The following NAV2 variants were observed in gnomAD, a reference collection of about 807,000 sequenced individuals.
The protein encoded by NAV2 is neuron navigator 2, also known as helicase, APC down-regulated 1.
Under a neutral mutation model 223.2 loss-of-function variants are expected in NAV2, and 54 were observed. The ratio of observed to expected loss-of-function variants is 0.24; its 90% CI spans 0.19 to 0.30. The LOEUF is 0.30. Ranked by LOEUF, NAV2 falls within the 10% of genes least tolerant of loss-of-function variation. The pLI, the probability that NAV2 is intolerant of heterozygous loss-of-function variation, is 1.00. For synonymous variants in NAV2, 1,279 were observed against 1,239.3 expected, an observed-to-expected ratio of 1.03 and a Z score of -0.67; for missense variants, 2,806 against 3,147.5, an observed-to-expected ratio of 0.89 and a Z score of 2.60.
intron 1 of NAV2, among the ~76,000 whole-genome samples, chr11:19,641,285 T>G (rs539956340): frequency 5.9e-5 from 9 of 152,138 alleles, no homozygotes; most frequent in Non-Finnish European, 1.2e-4. Flanking sequence ...TCCCTTACCC[T>G]CTATATTCAA....
chr11:19,646,098 C>T (rs1406772007), intron 1 of NAV2, among the ~76,000 whole-genome samples: 1 of 152,160 alleles, frequency 6.6e-6, no homozygotes, highest in Non-Finnish European at 1.5e-5. Context: ...AGAACCTGCA[C>T]CCACCTTGCA....
At chr11:20,022,804 T>G (rs1205740004) in intron 11 of NAV2, 1 of 1,234,356 alleles carries the variant, frequency 8.1e-7, no homozygotes, top group African/African-American at 1.5e-5. Flanking sequence ...CGGTAATGGT[T>G]TCAGAGTTTG....
At chr11:19,377,774 T>C (rs913199380) in intron 1 of NAV2, among the ~76,000 whole-genome samples, 1 of 152,074 alleles carries the variant, frequency 6.6e-6, no homozygotes, top group Non-Finnish European at 1.5e-5. Context: ...ATAACCCAGG[T>C]CTCCTGCTTC....
intron 1 of NAV2, among the ~76,000 whole-genome samples, chr11:19,492,862 G>A (rs1321808220): frequency 6.6e-6 from 1 of 152,132 alleles, no homozygotes; most frequent in African/African-American, 2.4e-5. Flanking sequence ...ACCGAGGGAG[G>A]AGAGGTTAGA....
At chr11:19,401,774 T>C (rs1456044437) in intron 1 of NAV2, 1 of 152,238 alleles carries the variant, frequency 6.6e-6, no homozygotes, top group African/African-American at 2.4e-5. Context: ...CATGGAACAC[T>C]AAATTCTAGA....
At chr11:19,801,094 G>A (rs917351541) in intron 1 of NAV2, among the ~76,000 whole-genome samples, 1 of 152,144 alleles carries the variant, frequency 6.6e-6, no homozygotes, top group Non-Finnish European at 1.5e-5. Flanking sequence ...ATTTTTCCTT[G>A]TCTGATTACA....
chr11:19,913,774 A>G lies in NAV2; in HGVS notation c.932-19402A>G, dbSNP rs186473787. On this transcript the variant is annotated intron_variant, in intron 6 of 37. Transcript: ENST00000349880. ...CATCGCAGTGCTTCCTTTTAGTTCT[A>G]TGTACTTTGATCAAACGATAGTTAC... Among the ~76,000 whole-genome samples, 29 of 139,730 alleles carry G rather than the reference A, an allele frequency of 2.1e-4. No individual in the cohort carries two copies. The East Asian group carries it at 4.7e-3, about 22-fold the overall frequency. The allele number at this position is 139,730 out of a possible 152,430, so 91.7% of individuals were successfully genotyped here.
chr11:19,665,360 C>T (rs900868255), intron 1 of NAV2, among the ~76,000 whole-genome samples: 3 of 152,198 alleles, frequency 2.0e-5, no homozygotes, highest in Admixed American at 6.5e-5. Context: ...TCTGAGGCAG[C>T]TGAGCTGAGA....
chr11:19,668,306 G>T (rs191839308), intron 1 of NAV2, among the ~76,000 whole-genome samples: 1 of 152,164 alleles, frequency 6.6e-6, no homozygotes, highest in African/African-American at 2.4e-5. Flanking sequence ...GAGAGGCCAA[G>T]GCGGGTGGAT....
chr11:19,895,109 T>C (rs1384952744), intron 6 of NAV2, among the ~76,000 whole-genome samples: 8 of 68,376 alleles, frequency 1.2e-4, no homozygotes, highest in African/African-American at 3.3e-4. Context: ...TCTTTCTTTT[T>C]TTTTTTTTTT....
At chr11:19,893,304 T>C (rs1389240496) in intron 6 of NAV2, among the ~76,000 whole-genome samples, 4 of 152,176 alleles carry the variant, frequency 2.6e-5, no homozygotes, top group Non-Finnish European at 5.9e-5. Flanking sequence ...GTTTCAAAGA[T>C]TATTCAAAAA....
chr11:20,043,607 A>G (rs961455378), intron 12 of NAV2, among the ~76,000 whole-genome samples: 1 of 151,940 alleles, frequency 6.6e-6, no homozygotes, highest in Admixed American at 6.6e-5. Flanking sequence ...ACACTCAGCT[A>G]ATTTTTCTAT....
At chr11:19,880,916 A>G (rs1333408228) in intron 5 of NAV2, among the ~76,000 whole-genome samples, 3 of 152,212 alleles carry the variant, frequency 2.0e-5, no homozygotes, top group African/African-American at 7.2e-5. Context: ...AAAAGTTCAT[A>G]CTGTTTTCTT....
At chr11:20,099,741 T>G (rs906722696) in intron 31 of NAV2, among the ~76,000 whole-genome samples, 6 of 152,196 alleles carry the variant, frequency 3.9e-5, no homozygotes, top group Non-Finnish European at 8.8e-5. Flanking sequence ...TGAGCTCTTG[T>G]GCAAAATAGT....
At chr11:19,448,243 G>A (rs889842970) in intron 1 of NAV2, among the ~76,000 whole-genome samples, 3 of 151,946 alleles carry the variant, frequency 2.0e-5, no homozygotes, top group South Asian at 2.1e-4. Context: ...GTCCCTGCCT[G>A]AGGAGGTGTG....
intron 1 of NAV2, among the ~76,000 whole-genome samples, chr11:19,522,619 T>C (rs1016334110): frequency 6.6e-6 from 1 of 152,208 alleles, no homozygotes; most frequent in East Asian, 1.9e-4. Context: ...AGCCTTCAGA[T>C]GGTCACTGTC....
rs201599343 is a variant in NAV2, at chr11:19,713,768, C to T, written c.73C>T (p.Leu25=). Residue 25 remains leucine, a synonymous_variant, in exon 1 of 38, where the codon CTG becomes TTG. Coordinates refer to ENST00000349880, the MANE Select transcript of NAV2 (RefSeq NM_145117.5). This position sits in a 1 kb window ranked among gnomAD's most constrained non-coding sequence, Gnocchi z 7.2. ...ACCCGTGCACAGCGCCGCGCCCATC[C>T]TGCACGTGCCCCCGGCCCGGGCGGG... ...PKPVHSAAPI[L]HVPPARAGPQ... 3.7e-6 allele frequency: 6 copies of T among 1,612,776 alleles called. No homozygotes were observed. Among genetic ancestry groups the T allele is most frequent in the Non-Finnish European group, 5.1e-6 (6 of 1,179,708 alleles).
intron 1 of NAV2, among the ~76,000 whole-genome samples, chr11:19,641,092 G>A (rs556522019): frequency 3.3e-5 from 5 of 152,258 alleles, no homozygotes; most frequent in South Asian, 2.1e-4. Context: ...GCTGTCCATC[G>A]CACTCTGGGC....
rs2046815623 is a variant in NAV2 at position 19,616,953 on chromosome 11, A to G, written c.76-215531A>G. ...AATACTAAGACAGGGAAAATTACTT[A>G]CCCTCTGAGCCGCAGTCTCCTCATC... On this transcript the variant is annotated intron_variant, in intron 1 of 37. Transcript: ENST00000360655. Among the ~76,000 whole-genome samples the G allele has an allele frequency of 2.6e-5, 4 of 151,844 alleles. No individual in the cohort carries two copies. The South Asian group carries it at 8.4e-4, about 32-fold the overall frequency.
Sources: allele counts gnomAD v4.1 joint callset (sites outside exome capture counted in the v4.1 genomes callset), GRCh38; gene constraint gnomAD v4.1.1; non-coding constraint Gnocchi (gnomAD v3.1); transcripts MANE v1.5; gene names NCBI Gene and HGNC (gene_info 2026-07-23, HGNC 2026-07-21).